Variants in DLGAP2 observed in about 807,000 individuals in gnomAD.
DLGAP2 encodes the protein disks large-associated protein 2.
DLGAP2 carries 26 observed loss-of-function variants against 100.3 expected under a neutral mutation model. That is an observed-to-expected ratio of 0.26 (90% confidence interval 0.19 to 0.36). DLGAP2 has a LOEUF of 0.36. DLGAP2 is among the 10% of genes least tolerant of loss of function. The pLI is 1.00. For synonymous variants in DLGAP2, 886 were observed against 630.1 expected, an observed-to-expected ratio of 1.41 and a Z score of -6.08; for missense variants, 1,858 against 1,453.2, an observed-to-expected ratio of 1.28 and a Z score of -4.53.
intron 2 of DLGAP2, among the ~76,000 whole-genome samples, chr8:1,136,379 C>T (rs1396512134): frequency 1.3e-5 from 2 of 152,184 alleles, no homozygotes; most frequent in African/African-American, 4.8e-5. Flanking sequence ...AGCAGATGCT[C>T]GTGGGAGAGA....
At chr8:1,302,030 C>G (rs1220258653) in intron 3 of DLGAP2, 1 of 152,292 alleles carries the variant, frequency 6.6e-6, no homozygotes, top group Non-Finnish European at 1.5e-5. Flanking sequence ...GCATTCTGTT[C>G]TTAAACTCTT....
At chr8:1,018,031 T>G (rs1488837349) in intron 2 of DLGAP2, among the ~76,000 whole-genome samples, 5 of 152,096 alleles carry the variant, frequency 3.3e-5, no homozygotes, top group Non-Finnish European at 5.9e-5. Context: ...AAGCGCTCAC[T>G]GACCCCTGCC....
At chr8:1,020,746 A>C (rs1801602969) in intron 2 of DLGAP2, among the ~76,000 whole-genome samples, 1 of 152,172 alleles carries the variant, frequency 6.6e-6, no homozygotes, top group Non-Finnish European at 1.5e-5. Flanking sequence ...GTGTCAGGAG[A>C]ATACGCACAG....
intron 2 of DLGAP2, among the ~76,000 whole-genome samples, chr8:958,622 A>C (rs539612231): frequency 6.3e-4 from 95 of 151,586 alleles, no homozygotes; most frequent in African/African-American, 2.2e-3. Flanking sequence ...CGGGGATGTT[A>C]ATGATGGGAA....
intron 8 of DLGAP2, 30 bp downstream of exon 8, chr8:1,633,076 C>A (rs369125230): frequency 1.9e-6 from 3 of 1,611,344 alleles, no homozygotes; most frequent in East Asian, 2.2e-5. Flanking sequence ...AGCCTTCCAG[C>A]GGGGACTCTA....
intron 6 of DLGAP2, among the ~76,000 whole-genome samples, chr8:1,566,948 C>T (rs1355080198): frequency 2.0e-5 from 3 of 152,202 alleles, no homozygotes; most frequent in African/African-American, 4.8e-5. Flanking sequence ...GCCCTGAGAC[C>T]GGGCCGCATG....
chr8:1,453,648 A>G (rs1358067398), intron 3 of DLGAP2, among the ~76,000 whole-genome samples: 2 of 152,138 alleles, frequency 1.3e-5, no homozygotes, highest in Non-Finnish European at 2.9e-5. Context: ...TGCCTGCAAC[A>G]CCACCATCCA....
intron 5 of DLGAP2, among the ~76,000 whole-genome samples, chr8:1,556,516 C>T (rs73671210): frequency 1.3e-5 from 2 of 152,310 alleles, no homozygotes; most frequent in South Asian, 2.1e-4. Flanking sequence ...TGTCTGTTCC[C>T]GCTGAGTCTG....
chr8:956,592 A>G (rs78141209), intron 2 of DLGAP2, among the ~76,000 whole-genome samples: 3 of 152,230 alleles, frequency 2.0e-5, no homozygotes, highest in African/African-American at 7.2e-5. Context: ...GTGGGCATCA[A>G]AACACCCCTG....
chr8:1,598,138 T>C (rs1000263657), intron 6 of DLGAP2, among the ~76,000 whole-genome samples: 33 of 152,258 alleles, frequency 2.2e-4, no homozygotes, highest in African/African-American at 7.5e-4. Flanking sequence ...GTTTTTGTCA[T>C]TGGTTCTGTT....
chr8:1,392,253 C>A (rs796620644), intron 3 of DLGAP2, among the ~76,000 whole-genome samples: 1 of 152,152 alleles, frequency 6.6e-6, no homozygotes, highest in Non-Finnish European at 1.5e-5. Flanking sequence ...TGAGTCATTC[C>A]TCCATGAGTC....
chr8:1,163,348 G>A (rs1353334443), intron 2 of DLGAP2, among the ~76,000 whole-genome samples: 8 of 152,210 alleles, frequency 5.3e-5, no homozygotes, highest in Non-Finnish European at 1.2e-4. Flanking sequence ...CCGGGGTGTC[G>A]TGTTCCCTTC....
chr8:1,678,736 T>A, intron 12 of DLGAP2, 107 bp downstream of exon 12: 1 of 1,223,272 alleles, frequency 8.2e-7, no homozygotes, highest in Non-Finnish European at 1.1e-6. Flanking sequence ...GGTATTCAAG[T>A]GAAGGGAAAT....
intron 3 of DLGAP2, among the ~76,000 whole-genome samples, chr8:1,280,654 A>C (rs78820165): frequency 0.021 from 3,179 of 152,268 alleles, 96 homozygotes; most frequent in African/African-American, 0.062. Flanking sequence ...ACCAGGGCCC[A>C]TGTGAGCAGG....
intron 6 of DLGAP2, among the ~76,000 whole-genome samples, chr8:1,589,779 G>C (rs1350087167): frequency 6.6e-6 from 1 of 152,158 alleles, no homozygotes; most frequent in Non-Finnish European, 1.5e-5. Context: ...GGGGTTTGCT[G>C]TTAGCACCGG....
chr8:1,135,871 C>T (rs909969791), intron 2 of DLGAP2, among the ~76,000 whole-genome samples: 6 of 152,122 alleles, frequency 3.9e-5, no homozygotes, highest in Admixed American at 1.3e-4. Context: ...CAGGAATCAT[C>T]GCAGGGAAGG....
intron 5 of DLGAP2, among the ~76,000 whole-genome samples, chr8:1,563,876 G>T (rs1404904829): frequency 2.0e-5 from 3 of 152,180 alleles, no homozygotes; most frequent in African/African-American, 7.2e-5. Flanking sequence ...TGGAAAGATG[G>T]CAGGTTCCTT....
chr8:1,187,234 C>T (rs1311952043), intron 2 of DLGAP2, among the ~76,000 whole-genome samples: 1 of 152,122 alleles, frequency 6.6e-6, no homozygotes, highest in African/African-American at 2.4e-5. Flanking sequence ...ACCTCCGTGA[C>T]GTTTGCCTCA....
chr8:796,298 C>A (rs1796035635), intron 1 of DLGAP2, among the ~76,000 whole-genome samples: 1 of 152,102 alleles, frequency 6.6e-6, no homozygotes, highest in African/African-American at 2.4e-5. Context: ...ACTTTGTGTC[C>A]CTGCTCTGAG....
Sources: gnomAD v4.1 joint callset for allele counts (sites outside exome capture counted in the v4.1 genomes callset) on GRCh38, gnomAD v4.1.1 for gene constraint, MANE v1.5 for transcripts, NCBI Gene and HGNC (gene_info 2026-07-23, HGNC 2026-07-21) for gene names.